The following NHS variants were observed in gnomAD, a reference collection of about 807,000 sequenced individuals.
NHS encodes the protein actin remodeling regulator NHS.
Under a neutral mutation model 72.5 loss-of-function variants are expected in NHS, and 5 were observed. The observed-to-expected ratio is 0.07, with a 90% CI of 0.04 to 0.14. NHS has a LOEUF of 0.14. Ranked by LOEUF, NHS falls within the 10% of genes least tolerant of loss-of-function variation. NHS has a pLI of 1.00. For missense variants in NHS, 1,072 were observed against 1,355.7 expected (o/e 0.79, Z 3.29); for synonymous variants, 464 against 547.7 (o/e 0.85, Z 2.13).
intron 1 of NHS, among the ~76,000 whole-genome samples, chrX:17,488,459 G>A (rs1360311891): frequency 1.8e-5 from 2 of 110,806 alleles, no homozygotes; most frequent in Admixed American, 9.6e-5. Context: ...GGTGATGTAG[G>A]TATGCAATCA....
chrX:17,551,826 G>C (rs1192727171), intron 1 of NHS, among the ~76,000 whole-genome samples: 2 of 111,902 alleles, frequency 1.8e-5, no homozygotes, highest in Non-Finnish European at 3.8e-5. Flanking sequence ...CCACACTGCA[G>C]CTGTGGGAGG....
intron 1 of NHS, among the ~76,000 whole-genome samples, chrX:17,472,859 G>A (rs1375875561): frequency 1.8e-5 from 2 of 112,044 alleles, no homozygotes; most frequent in East Asian, 2.8e-4. Flanking sequence ...TATCAAAGGC[G>A]TGTTTCTTTT....
intron 1 of NHS, among the ~76,000 whole-genome samples, chrX:17,579,071 C>T (rs901043441): frequency 1.8e-5 from 2 of 112,302 alleles, no homozygotes; most frequent in East Asian, 2.8e-4. Flanking sequence ...AAATCAAATT[C>T]GGATTTGTAA....
chrX:17,580,784 T>A (rs1480196566), intron 1 of NHS, among the ~76,000 whole-genome samples: 2 of 112,383 alleles, frequency 1.8e-5, no homozygotes, highest in Non-Finnish European at 3.8e-5. Flanking sequence ...CAGATGGAAT[T>A]CTTTGCTCAC....
chrX:17,486,079 A>G (rs997295980), intron 1 of NHS, among the ~76,000 whole-genome samples: 1 of 112,011 alleles, frequency 8.9e-6, no homozygotes, highest in African/African-American at 3.2e-5. Context: ...GTCCTGAAGC[A>G]TGTGTTTCCC....
intron 1 of NHS, among the ~76,000 whole-genome samples, chrX:17,502,266 C>T (rs2065039197): frequency 1.8e-5 from 2 of 111,296 alleles, no homozygotes; most frequent in Non-Finnish European, 3.8e-5. Context: ...ATGGGCAGTT[C>T]ATTGACTCTG....
intron 1 of NHS, among the ~76,000 whole-genome samples, chrX:17,537,454 G>T (rs2065232383): frequency 8.9e-6 from 1 of 112,723 alleles, no homozygotes; most frequent in Non-Finnish European, 1.9e-5. Context: ...ATGCTTCCTA[G>T]CCTGCCCCAG....
chrX:17,723,149 T>A (rs1355213122), intron 5 of NHS, among the ~76,000 whole-genome samples: 1 of 112,432 alleles, frequency 8.9e-6, no homozygotes, highest in Non-Finnish European at 1.9e-5. Flanking sequence ...ATTCATCATA[T>A]GATATCTCAT....
intron 1 of NHS, among the ~76,000 whole-genome samples, chrX:17,494,783 G>A (rs1230153036): frequency 8.9e-6 from 1 of 112,368 alleles, no homozygotes; most frequent in Non-Finnish European, 1.9e-5. Flanking sequence ...GGGCTAGTGG[G>A]GGAATTTTTT....
At chrX:17,538,676 G>T (rs1219560933) in intron 1 of NHS, among the ~76,000 whole-genome samples, 1 of 111,832 alleles carries the variant, frequency 8.9e-6, no homozygotes, top group African/African-American at 3.3e-5. Flanking sequence ...AGTGGGAAGG[G>T]GCTTCACCGG....
intron 1 of NHS, among the ~76,000 whole-genome samples, chrX:17,513,997 A>ACATCTTTCTCCTGTGCTGGATGCTTCC (rs2065104963): frequency 8.9e-6 from 1 of 112,079 alleles, no homozygotes; most frequent in Non-Finnish European, 1.9e-5. Flanking sequence ...GGAGCAAGTC[A>ACATCTTTCTCCTGTGCTGGATGCTTCC]TGTCTTACAT....
At chrX:17,675,318 A>C (rs2066073273) in intron 1 of NHS, among the ~76,000 whole-genome samples, 1 of 112,927 alleles carries the variant, frequency 8.9e-6, no homozygotes, top group South Asian at 3.6e-4. Flanking sequence ...TTTTCAGCAC[A>C]AGAGAAAATA....
chrX:17,440,423 TTG>T (rs1390998028), intron 1 of NHS, among the ~76,000 whole-genome samples: 1 of 110,975 alleles, frequency 9.0e-6, no homozygotes, highest in Non-Finnish European at 1.9e-5. Context: ...GTCTTTGGCT[TTG>T]TGGGAGATTG....
At chrX:17,604,587 AAGG>A (rs1260364189) in intron 1 of NHS, among the ~76,000 whole-genome samples, 1 of 112,153 alleles carries the variant, frequency 8.9e-6, no homozygotes, top group Non-Finnish European at 1.9e-5. Context: ...AGAAGGGGAG[AAGG>A]AGTTGTTGAC....
At chrX:17,635,211 A>C in intron 1 of NHS, 3 of 804,763 alleles carry the variant, frequency 3.7e-6, no homozygotes, top group Non-Finnish European at 4.7e-6. Flanking sequence ...TCCCACTGCA[A>C]CCTAAACTGC....
chrX:17,635,065 A>G (rs1391230948), intron 1 of NHS, among the ~76,000 whole-genome samples: 1 of 111,531 alleles, frequency 9.0e-6, no homozygotes, highest in Non-Finnish European at 1.9e-5. Context: ...AATGGTTTCG[A>G]TAGCCACATG....
At chrX:17,723,726 G>GGTGTGTGTGTGTGTGTGTGTGTGTGT (rs3222310) in intron 5 of NHS, among the ~76,000 whole-genome samples, 2 of 71,075 alleles carry the variant, frequency 2.8e-5, no homozygotes, top group African/African-American at 5.9e-5. Context: ...CAGCAAAAGA[G>GGTGTGTGTGTGTGTGTGTGTGTGTGT]GTGTGTGTGT....
intron 1 of NHS, among the ~76,000 whole-genome samples, chrX:17,410,251 A>G (rs2064550755): frequency 1.8e-5 from 2 of 110,841 alleles, no homozygotes; most frequent in South Asian, 7.8e-4. Flanking sequence ...CTTTCTCCTC[A>G]TCCTTCTGAA....
At chrX:17,400,072 A>G (rs1218855234) in intron 1 of NHS, among the ~76,000 whole-genome samples, 1 of 111,821 alleles carries the variant, frequency 8.9e-6, no homozygotes, top group Non-Finnish European at 1.9e-5. Context: ...AGCCAGAGCA[A>G]TTGGAAGAAA....
Sources: gnomAD v4.1 joint callset for allele counts (sites outside exome capture counted in the v4.1 genomes callset) on GRCh38, gnomAD v4.1.1 for gene constraint, MANE v1.5 for transcripts, NCBI Gene and HGNC (gene_info 2026-07-23, HGNC 2026-07-21) for gene names.